PLCL2: variants seen among roughly 807,000 people sequenced by gnomAD.
PLCL2 encodes the protein phospholipase C like 2, also known as inactive phospholipase C-like protein 2.
PLCL2 carries 4 observed loss-of-function variants against 79.6 expected under a neutral mutation model. The observed-to-expected ratio is 0.05, with a 90% CI of 0.02 to 0.11. The LOEUF is 0.11. Among genes scored for constraint, PLCL2 ranks in the 10% least tolerant of loss-of-function variants. The probability of loss-of-function intolerance (pLI) is 1.00; values close to 1 mark genes in which losing one functional copy is unlikely to be tolerated. For missense variants in PLCL2, 895 were observed against 1,291.0 expected (o/e 0.69, Z 4.70); for synonymous variants, 484 against 457.7 (o/e 1.06, Z -0.73).
At position 17,011,365 on chromosome 3, in the gene PLCL2, T is replaced by C. The variant is rs751911584; in HGVS notation, c.2019T>C (p.Ala673=). 1 of 1,614,160 alleles carries C rather than the reference T, an allele frequency of 6.2e-7. No homozygotes were observed. ...DFVNYNKRFL[A]RVFPSPMRID... ...TAAATTACAACAAACGTTTTCTTGC[T>C]AGGGTTTTTCCCAGTCCAATGAGAA... is the stretch of plus-strand genomic sequence containing the variant. Residue 673 remains alanine, a synonymous_variant, in exon 2 of 6, where the codon GCT becomes GCC. Transcript: ENST00000615277. The surrounding 1 kb of genome is among the most constrained non-coding windows in gnomAD (Gnocchi z 7.9).
chr3:16,920,265 A>G (rs191868227), intron 1 of PLCL2, among the ~76,000 whole-genome samples: 2 of 152,240 alleles, frequency 1.3e-5, no homozygotes, highest in East Asian at 3.9e-4. Context: ...AACAGAGGAT[A>G]TTATTTACTG....
At chr3:17,037,459 A>G (rs2064669958) in intron 3 of PLCL2, among the ~76,000 whole-genome samples, 1 of 152,206 alleles carries the variant, frequency 6.6e-6, no homozygotes, top group South Asian at 2.1e-4. Flanking sequence ...AATCCATGTG[A>G]AAGAACAAAG....
At chr3:17,073,082 C>T (rs1475241538) in intron 5 of PLCL2, among the ~76,000 whole-genome samples, 2 of 152,180 alleles carry the variant, frequency 1.3e-5, no homozygotes. Flanking sequence ...ATTAGATAGT[C>T]AGCATCATTT....
intron 1 of PLCL2, among the ~76,000 whole-genome samples, chr3:16,906,005 T>A (rs945406134): frequency 2.4e-4 from 37 of 152,144 alleles, no homozygotes; most frequent in African/African-American, 8.9e-4. Context: ...GGACTTTATA[T>A]GCAGCAGGAC....
intron 1 of PLCL2, among the ~76,000 whole-genome samples, chr3:16,986,935 A>G (rs1057338056): frequency 6.6e-6 from 1 of 152,016 alleles, no homozygotes; most frequent in Non-Finnish European, 1.5e-5. Context: ...CAGTTCATCT[A>G]TCTCTTTGCT....
At position 17,011,768 on chromosome 3, in the gene PLCL2, G is replaced by A. The variant is rs148180373; in HGVS notation, c.2422G>A (p.Ala808Thr). ...AAAAACAGTGCACCAGAATGGAGAC[G>A]CTCCCATTTTTGATGAAAGCTTTGA... ...RTKTVHQNGD[A>T]PIFDESFEFQ... Residue 808 changes from alanine (A) to threonine (T), a missense_variant, in exon 2 of 6, where the codon GCT becomes ACT. By Grantham distance (58) the Ala-to-Thr change is moderately conservative. This residue lies in a region of PLCL2 where 298 missense variants were observed against 459.6 expected (regional missense o/e 0.65). Transcript: ENST00000615277. This position sits in a 1 kb window ranked among gnomAD's most constrained non-coding sequence, Gnocchi z 7.9. The A allele has an allele frequency of 1.6e-5, 26 of 1,614,044 alleles. No homozygotes were observed. The highest frequency in any genetic ancestry group is 1.9e-5 in the Non-Finnish European group (22 of 1,180,026).
At chr3:16,967,556 G>A (rs62245988) in intron 1 of PLCL2, among the ~76,000 whole-genome samples, 1 of 151,910 alleles carries the variant, frequency 6.6e-6, no homozygotes, top group Non-Finnish European at 1.5e-5. Context: ...GGCCACCTAT[G>A]TATGTCTTCT....
chr3:16,977,156 C>G (rs190258565), intron 1 of PLCL2, among the ~76,000 whole-genome samples: 1 of 152,256 alleles, frequency 6.6e-6, no homozygotes, highest in East Asian at 1.9e-4. Flanking sequence ...TATATACACA[C>G]ATATATTTAT....
intron 1 of PLCL2, among the ~76,000 whole-genome samples, chr3:16,892,176 A>G (rs1363878131): frequency 1.3e-5 from 2 of 152,256 alleles, no homozygotes; most frequent in South Asian, 2.1e-4. Context: ...ATTGGAATAT[A>G]AAACTCAGTG....
intron 1 of PLCL2, among the ~76,000 whole-genome samples, chr3:16,914,846 C>T (rs1330885233): frequency 6.6e-6 from 1 of 152,136 alleles, no homozygotes; most frequent in East Asian, 1.9e-4. Context: ...CCTCCCTCCT[C>T]AGCCTCCTGA....
At chr3:17,061,432 GTTAATTTAA>G (rs1202339205) in intron 4 of PLCL2, among the ~76,000 whole-genome samples, 1 of 152,100 alleles carries the variant, frequency 6.6e-6, no homozygotes, top group Non-Finnish European at 1.5e-5. Flanking sequence ...AATGTTCTGA[GTTAATTTAA>G]TTATGCCATC....
intron 1 of PLCL2, among the ~76,000 whole-genome samples, chr3:16,910,651 T>G (rs1377949259): frequency 6.6e-6 from 1 of 151,938 alleles, no homozygotes; most frequent in Non-Finnish European, 1.5e-5. Flanking sequence ...CACTCCCAAA[T>G]ATACATCTCT....
At chr3:16,913,158 A>G (rs1412886507) in intron 1 of PLCL2, among the ~76,000 whole-genome samples, 1 of 152,026 alleles carries the variant, frequency 6.6e-6, no homozygotes, top group African/African-American at 2.4e-5. Flanking sequence ...CTACTCTAGC[A>G]TCTTCTTCTG....
At chr3:16,980,200 C>G (rs1163349116) in intron 1 of PLCL2, among the ~76,000 whole-genome samples, 5 of 137,306 alleles carry the variant, frequency 3.6e-5, no homozygotes, top group African/African-American at 1.1e-4. Flanking sequence ...AGGGGCTCCT[C>G]ACTTCCCAGT....
chr3:16,978,043 G>T (rs188925554), intron 1 of PLCL2, among the ~76,000 whole-genome samples: 2 of 152,270 alleles, frequency 1.3e-5, no homozygotes, highest in Middle Eastern at 3.4e-3. Context: ...TCACATTGGG[G>T]ATTAGGTTAC....
At chr3:16,980,342 G>A (rs1448521143) in intron 1 of PLCL2, among the ~76,000 whole-genome samples, 1 of 150,802 alleles carries the variant, frequency 6.6e-6, no homozygotes, top group African/African-American at 2.4e-5. Flanking sequence ...TCCCAGACGG[G>A]GTGGCTGCTG....
chr3:16,937,918 T>C (rs987795869), intron 1 of PLCL2, among the ~76,000 whole-genome samples: 1 of 152,232 alleles, frequency 6.6e-6, no homozygotes, highest in Non-Finnish European at 1.5e-5. Flanking sequence ...CAGTTTTAAA[T>C]TGGATTTTTT....
chr3:16,956,984 C>T (rs574460003), intron 1 of PLCL2, among the ~76,000 whole-genome samples: 3 of 152,254 alleles, frequency 2.0e-5, no homozygotes, highest in Admixed American at 6.5e-5. Flanking sequence ...AAACCAGCTC[C>T]TGGATTCATT....
At chr3:17,067,757 T>C (rs1341621227) in intron 4 of PLCL2, among the ~76,000 whole-genome samples, 199 bp from the exon 5 acceptor site, 1 of 152,222 alleles carries the variant, frequency 6.6e-6, no homozygotes, top group Non-Finnish European at 1.5e-5. Context: ...ATTGCTGACT[T>C]CGAAGATGCC....
Sources: gnomAD v4.1 joint callset for allele counts (sites outside exome capture counted in the v4.1 genomes callset) on GRCh38, gnomAD v4.1.1 for gene constraint, gnomAD v4.1.1 regional missense constraint, Gnocchi (gnomAD v3.1) non-coding constraint, MANE v1.5 for transcripts, NCBI Gene and HGNC (gene_info 2026-07-23, HGNC 2026-07-21) for gene names.